The following PDZD8 variants were observed in gnomAD, a reference collection of about 807,000 sequenced individuals.
The protein encoded by PDZD8 is PDZ domain containing 8, also known as PDZ domain-containing protein 8.
Under a neutral mutation model 85.8 loss-of-function variants are expected in PDZD8, and 14 were observed. The ratio of observed to expected loss-of-function variants is 0.16; its 90% confidence interval spans 0.11 to 0.26. The LOEUF is 0.26. Among genes scored for constraint, PDZD8 ranks in the 10% least tolerant of loss-of-function variants. The pLI, the probability that PDZD8 is intolerant of heterozygous loss-of-function variation, is 1.00. For missense variants in PDZD8, 1,197 were observed against 1,424.3 expected (o/e 0.84, Z 2.57); for synonymous variants, 592 against 568.6 (o/e 1.04, Z -0.59).
chr10:117,285,498 C>T (rs775158668), intron 4 of PDZD8, 27 bp from the exon 5 acceptor site: 1 of 1,524,890 alleles, frequency 6.6e-7, no homozygotes, highest in South Asian at 1.3e-5. Flanking sequence ...AAAGGGAAAA[C>T]ATGTAAATTA....
At chr10:117,365,529 A>G (rs1420180411) in intron 1 of PDZD8, among the ~76,000 whole-genome samples, 1 of 152,162 alleles carries the variant, frequency 6.6e-6, no homozygotes, top group Admixed American at 6.5e-5. Context: ...TTTTAAAGTG[A>G]GTTTGTCGCT....
In PDZD8 at chr10:117,277,406, T is replaced by C; in HGVS notation, c.*5862A>G. ...ACCAAAGGTTATTATTTCCTTTCCATGGTTATGGTCGATTGCCAACAGCCT... is the reference window on the plus strand; with the variant it reads ...ACCAAAGGTTATTATTTCCTTTCCACGGTTATGGTCGATTGCCAACAGCCT... On this transcript the variant is annotated 3_prime_UTR_variant, in exon 5 of 5. Coordinates refer to ENST00000334464, the MANE Select transcript of PDZD8 (RefSeq NM_173791.5). 5.8e-6 allele frequency: 3 copies of C among 512,956 alleles called. No individual in the cohort carries two copies. The highest frequency in any genetic ancestry group is 1.0e-5 in the Non-Finnish European group (3 of 296,074). 31.8% of individuals were successfully genotyped at this position (512,956 alleles called of 1,614,324 possible). A position where few individuals can be genotyped will look rare whatever the true frequency, so the allele number is the denominator to read the frequency against.
intron 2 of PDZD8, among the ~76,000 whole-genome samples, chr10:117,325,946 G>C (rs1041605770): frequency 6.6e-6 from 1 of 152,138 alleles, no homozygotes; most frequent in East Asian, 1.9e-4. Context: ...TGCTGTTCTT[G>C]TGATAGTGAG....
chr10:117,336,961 C>T (rs117797737), intron 2 of PDZD8, among the ~76,000 whole-genome samples: 4,788 of 151,696 alleles, frequency 0.032, 125 homozygotes, highest in Non-Finnish European at 0.044. Context: ...TGGTGGTGGG[C>T]GCCTGTAGTC....
chr10:117,277,293 T>A lies in PDZD8; in HGVS notation c.*5975A>T, dbSNP rs779678633. 7.2e-7 allele frequency: 1 copy of A among 1,391,752 alleles called. No homozygotes were observed. 86.2% of individuals were successfully genotyped at this position (1,391,752 alleles called of 1,614,324 possible). A position where few individuals can be genotyped will look rare whatever the true frequency, so the allele number is the denominator to read the frequency against. On this transcript the variant is annotated 3_prime_UTR_variant, in exon 5 of 5. Coordinates refer to ENST00000334464, the MANE Select transcript of PDZD8 (RefSeq NM_173791.5). ...ATGAGATCCTCAAAAATCATCAAAG[T>A]GTTTAATTGTATAAAACAGTGTTTC...
chr10:117,354,909 G>A (rs1255577516), intron 1 of PDZD8, among the ~76,000 whole-genome samples: 1 of 152,026 alleles, frequency 6.6e-6, no homozygotes, highest in African/African-American at 2.4e-5. Flanking sequence ...AGTTCCCCCT[G>A]CTGCATTAAA....
At chr10:117,350,033 T>C (rs1844776690) in intron 1 of PDZD8, among the ~76,000 whole-genome samples, 1 of 152,128 alleles carries the variant, frequency 6.6e-6, no homozygotes. Flanking sequence ...CTATTATTAG[T>C]ATAGCTAACA....
intron 1 of PDZD8, among the ~76,000 whole-genome samples, chr10:117,362,727 C>T (rs1235234364): frequency 6.6e-6 from 1 of 151,922 alleles, no homozygotes; most frequent in Non-Finnish European, 1.5e-5. Flanking sequence ...AGCAATTTAC[C>T]TAAAATGGGC....
chr10:117,358,808 AG>A (rs1475934924), intron 1 of PDZD8, among the ~76,000 whole-genome samples: 1 of 152,230 alleles, frequency 6.6e-6, no homozygotes, highest in Non-Finnish European at 1.5e-5. Context: ...GAGCTATGTA[AG>A]GACAAGGTAA....
intron 1 of PDZD8, among the ~76,000 whole-genome samples, chr10:117,368,285 A>T (rs755354730): frequency 6.6e-6 from 1 of 152,248 alleles, no homozygotes; most frequent in African/African-American, 2.4e-5. Context: ...TAGAGATATG[A>T]GCAACAGTAC....
rs1844542541 is a variant in PDZD8 at position 117,279,151 on chromosome 10, A to G, written c.*4117T>C. 2 of 152,246 alleles carry G rather than the reference A, an allele frequency of 1.3e-5. No homozygotes were observed. The highest frequency in any genetic ancestry group is 4.1e-4 in the South Asian group (2 of 4,836). The allele number at this position is 152,246 out of a possible 1,614,324, so 9.4% of individuals were successfully genotyped here. A position where few individuals can be genotyped will look rare whatever the true frequency, so the allele number is the denominator to read the frequency against. ...TCAGAACTGTTTTGGAGCAAAAGAT[A>G]GCTTGTACTTGGGGAAAAAAATTCT... On this transcript the variant is annotated 3_prime_UTR_variant, in exon 5 of 5. Coordinates refer to ENST00000334464, the MANE Select transcript of PDZD8 (RefSeq NM_173791.5).
At chr10:117,364,207 T>TGTGTGA (rs1010465477) in intron 1 of PDZD8, among the ~76,000 whole-genome samples, 6 of 144,252 alleles carry the variant, frequency 4.2e-5, no homozygotes, top group African/African-American at 1.5e-4. Context: ...TGTGTGTGTG[T>TGTGTGA]GAGAGTGTGT....
chr10:117,351,574 A>T (rs1228169690), intron 1 of PDZD8, among the ~76,000 whole-genome samples: 1 of 152,216 alleles, frequency 6.6e-6, no homozygotes, highest in Non-Finnish European at 1.5e-5. Flanking sequence ...GCTTGTTTTG[A>T]ATGCTGATTT....
chr10:117,341,962 T>C (rs1486434433), intron 1 of PDZD8, among the ~76,000 whole-genome samples: 2 of 152,340 alleles, frequency 1.3e-5, no homozygotes, highest in Admixed American at 1.3e-4. Flanking sequence ...TCTTATTTAA[T>C]GCTCACAACC....
chr10:117,338,669 AC>A (rs1174018788), intron 2 of PDZD8, among the ~76,000 whole-genome samples: 2 of 152,204 alleles, frequency 1.3e-5, no homozygotes, highest in African/African-American at 4.8e-5. Context: ...GATTTATTAC[AC>A]AGTTCCTTAT....
rs186933942 is a variant in PDZD8, at chr10:117,296,464, G to A, written c.1099-6116C>T. 3.9e-4 allele frequency among the ~76,000 whole-genome samples: 59 copies of A among 152,166 alleles called. No individual in the cohort carries two copies. The East Asian group carries it at 9.7e-3, about 25-fold the overall frequency. ...CTACAAATTCAACACAATCCCAGTC[G>A]AAATCCCTGCAGGCATTTAGAGAAG... On this transcript the variant is annotated intron_variant, in intron 3 of 4. Transcript: ENST00000334464.
At chr10:117,327,045 T>G (rs1366442936) in intron 2 of PDZD8, among the ~76,000 whole-genome samples, 2 of 152,180 alleles carry the variant, frequency 1.3e-5, no homozygotes, top group African/African-American at 4.8e-5. Context: ...TGCACTGTAT[T>G]CTCTCAAATG....
intron 2 of PDZD8, among the ~76,000 whole-genome samples, chr10:117,336,910 T>C (rs1158021518): frequency 1.3e-5 from 2 of 151,716 alleles, no homozygotes; most frequent in African/African-American, 4.8e-5. Context: ...AAAAAAGATG[T>C]AATATTGAAA....
intron 2 of PDZD8, among the ~76,000 whole-genome samples, chr10:117,338,468 T>A (rs907724946): frequency 2.6e-5 from 4 of 152,166 alleles, no homozygotes; most frequent in Admixed American, 6.5e-5. Context: ...TGTTTTTCCC[T>A]TCAGCCTAAT....
Sources: gnomAD v4.1 joint callset for allele counts (sites outside exome capture counted in the v4.1 genomes callset) on GRCh38, gnomAD v4.1.1 for gene constraint, MANE v1.5 for transcripts, NCBI Gene and HGNC (gene_info 2026-07-23, HGNC 2026-07-21) for gene names.